The following MFHAS1 variants were observed in gnomAD, a reference collection of about 807,000 sequenced individuals.
MFHAS1 encodes multifunctional ROCO family signaling regulator 1.
In MFHAS1, 50 loss-of-function variants were observed where a neutral mutation model predicts 70.4. That is an observed-to-expected ratio of 0.71 (90% CI 0.57 to 0.90). The LOEUF (loss-of-function observed/expected upper bound fraction) is 0.90, where lower values mean the gene tolerates loss of function less well. Among genes scored for constraint, MFHAS1 ranks in the 40% least tolerant of loss-of-function variants. The pLI, the probability that MFHAS1 is intolerant of heterozygous loss-of-function variation, is 0.00. For missense variants in MFHAS1, 1,795 were observed against 1,347.6 expected (o/e 1.33, Z -5.20); for synonymous variants, 952 against 620.0 (o/e 1.54, Z -7.96).
Position 8,892,738 on chromosome 8 carries a change from G to A in MFHAS1, c.321C>T (p.Ala107=). ...GCTCGGTGAGGTGGTGGCCGAGCTC[G>A]GCCACCGCCGGGGGCAGCCGGGCGA... is the stretch of plus-strand genomic sequence containing the variant. ...NRFARLPPAV[A]ELGHHLTELD... Residue 107 remains alanine, a synonymous_variant, in exon 1 of 3, where the codon GCC becomes GCT. Coordinates refer to ENST00000276282, the MANE Select transcript of MFHAS1 (RefSeq NM_004225.3). The surrounding 1 kb of genome is among the most constrained non-coding windows in gnomAD (Gnocchi z 4.7). 1 of 1,520,964 alleles carries A rather than the reference G, an allele frequency of 6.6e-7. No homozygotes were observed. The highest frequency in any genetic ancestry group is 1.9e-5 in the Admixed American group (1 of 51,874). The allele number at this position is 1,520,964 out of a possible 1,614,324, so 94.2% of individuals were successfully genotyped here.
At chr8:8,827,749 G>A (rs1029906315) in intron 1 of MFHAS1, among the ~76,000 whole-genome samples, 2 of 152,124 alleles carry the variant, frequency 1.3e-5, no homozygotes, top group African/African-American at 4.8e-5. Context: ...AGGAAAGTTA[G>A]CCTTTTTCTT....
intron 1 of MFHAS1, among the ~76,000 whole-genome samples, chr8:8,829,577 A>G (rs3789848): frequency 0.18 from 27,423 of 152,204 alleles, 2,600 homozygotes; most frequent in South Asian, 0.27. Context: ...GCTACTGAGG[A>G]GGCTGAGGCA....
Position 8,878,055 on chromosome 8 carries a change from A to G in MFHAS1, c.2998+12006T>C, listed in dbSNP as rs77621440. 7.4e-3 allele frequency among the ~76,000 whole-genome samples: 1,131 copies of G among 152,210 alleles called. 21 individuals carry two copies. The highest frequency in any genetic ancestry group is 0.026 in the African/African-American group (1,088 of 41,548). On this transcript the variant is annotated intron_variant, in intron 1 of 2. Transcript: ENST00000276282. The stretch of plus-strand genomic sequence containing the variant: ...AGAAATCATCCTCTGACACTCAACT[A>G]CAGTGTGGCCTTTCTGGGAACCCTT...
At chr8:8,793,265 A>G (rs1357629104) in intron 2 of MFHAS1, among the ~76,000 whole-genome samples, 2 of 152,256 alleles carry the variant, frequency 1.3e-5, no homozygotes, top group African/African-American at 2.4e-5. Flanking sequence ...AATAAGAAAT[A>G]GAAAAGCTTG....
intron 1 of MFHAS1, among the ~76,000 whole-genome samples, chr8:8,862,752 T>C (rs1808713894): frequency 6.6e-6 from 1 of 152,174 alleles, no homozygotes; most frequent in Non-Finnish European, 1.5e-5. Flanking sequence ...TCAATGTAGG[T>C]TCATCGATTG....
At chr8:8,884,830 G>C (rs1261318298) in intron 1 of MFHAS1, among the ~76,000 whole-genome samples, 1 of 152,062 alleles carries the variant, frequency 6.6e-6, no homozygotes, top group Non-Finnish European at 1.5e-5. Context: ...TGTTTCTGGA[G>C]TCCCAGCTAC....
chr8:8,837,102 T>C (rs1585043857), intron 1 of MFHAS1, among the ~76,000 whole-genome samples: 1 of 152,186 alleles, frequency 6.6e-6, no homozygotes. Flanking sequence ...CCCACAAATA[T>C]TTATTTAGCA....
At chr8:8,861,031 A>C (rs186440536) in intron 1 of MFHAS1, among the ~76,000 whole-genome samples, 53 of 152,352 alleles carry the variant, frequency 3.5e-4, no homozygotes, top group Non-Finnish European at 7.3e-5. Flanking sequence ...CAGAAAGTCT[A>C]CACGTGCCTT....
chr8:8,793,328 T>C (rs1198009234), intron 2 of MFHAS1, among the ~76,000 whole-genome samples: 1 of 152,242 alleles, frequency 6.6e-6, no homozygotes, highest in Non-Finnish European at 1.5e-5. Context: ...GTTTCTTCTT[T>C]ATAAAGAAAG....
intron 1 of MFHAS1, among the ~76,000 whole-genome samples, chr8:8,818,847 C>T (rs1231676306): frequency 6.6e-6 from 1 of 152,062 alleles, no homozygotes; most frequent in East Asian, 1.9e-4. Flanking sequence ...ATCCCACTTC[C>T]AATGCAGACC....
At chr8:8,835,782 T>C (rs1409814863) in intron 1 of MFHAS1, among the ~76,000 whole-genome samples, 1 of 152,244 alleles carries the variant, frequency 6.6e-6, no homozygotes, top group Admixed American at 6.5e-5. Flanking sequence ...TTCTCATGTA[T>C]GGAAATTAAA....
At chr8:8,857,851 C>G (rs1326526533) in intron 1 of MFHAS1, among the ~76,000 whole-genome samples, 1 of 152,114 alleles carries the variant, frequency 6.6e-6, no homozygotes, top group Non-Finnish European at 1.5e-5. Flanking sequence ...TTTAAAATAC[C>G]TAAAGCAAGT....
chr8:8,854,389 T>C (rs764189068), intron 1 of MFHAS1, among the ~76,000 whole-genome samples: 3 of 152,004 alleles, frequency 2.0e-5, no homozygotes, highest in Non-Finnish European at 4.4e-5. Context: ...GGCTTGGTGG[T>C]GGGCGCCTAC....
chr8:8,816,385 G>A (rs922537316), intron 1 of MFHAS1, among the ~76,000 whole-genome samples: 2 of 152,120 alleles, frequency 1.3e-5, no homozygotes, highest in African/African-American at 4.8e-5. Flanking sequence ...AATATCAATT[G>A]GGGTTATGGC....
chr8:8,793,985 C>T (rs1415452559), intron 2 of MFHAS1, among the ~76,000 whole-genome samples: 1 of 151,996 alleles, frequency 6.6e-6, no homozygotes, highest in African/African-American at 2.4e-5. Flanking sequence ...GTCAGGAGTT[C>T]GAGACCAGCC....
At chr8:8,801,528 C>T (rs3827811) in intron 1 of MFHAS1, among the ~76,000 whole-genome samples, 47,567 of 152,042 alleles carry the variant, frequency 0.31, 7,958 homozygotes, top group African/African-American at 0.41. Flanking sequence ...ATTTAAGAAA[C>T]GTGCACAGTT....
chr8:8,880,743 G>A (rs574782047), intron 1 of MFHAS1, among the ~76,000 whole-genome samples: 116 of 151,238 alleles, frequency 7.7e-4, no homozygotes, highest in South Asian at 1.5e-3. Context: ...GGAGTATAGC[G>A]GCGCAATCTC....
chr8:8,891,112 T>C lies in MFHAS1; in HGVS notation c.1947A>G (p.Arg649=). 1 of 1,613,856 alleles carries C rather than the reference T, an allele frequency of 6.2e-7. No individual in the cohort carries two copies. Among genetic ancestry groups the C allele is most frequent in the East Asian group, 2.2e-5 (1 of 44,876 alleles). ...CTCTGTGTAAGTTGGGGAAGATCTC[T>C]CGGTGCTCAGCAACTGACAGCAACT... is the stretch of plus-strand genomic sequence containing the variant. The part of the protein sequence containing the change: ...RDKLLSVAEH[R]EIFPNLHRVL... Residue 649 remains arginine (R), a synonymous_variant, in exon 1 of 3, where the codon CGA becomes CGG. Transcript: ENST00000276282. This position sits in a 1 kb window ranked among gnomAD's most constrained non-coding sequence, Gnocchi z 5.4.
At chr8:8,796,921 G>A (rs554606928) in intron 2 of MFHAS1, among the ~76,000 whole-genome samples, 6 of 151,554 alleles carry the variant, frequency 4.0e-5, no homozygotes, top group African/African-American at 1.5e-4. Context: ...GGGTGAACCC[G>A]GGAGGCGGAG....
Sources: allele counts gnomAD v4.1 joint callset (sites outside exome capture counted in the v4.1 genomes callset), GRCh38; gene constraint gnomAD v4.1.1; non-coding constraint Gnocchi (gnomAD v3.1); transcripts MANE v1.5; gene names NCBI Gene and HGNC (gene_info 2026-07-23, HGNC 2026-07-21).